The following TMTC2 variants were observed in gnomAD, a reference collection of about 807,000 sequenced individuals.
TMTC2 encodes the protein protein O-mannosyl-transferase TMTC2.
A neutral mutation model predicts 82.4 loss-of-function variants in TMTC2; 43 were observed. The ratio of observed to expected loss-of-function variants is 0.52; its 90% CI spans 0.41 to 0.67. The LOEUF (loss-of-function observed/expected upper bound fraction) is 0.67, where lower values mean the gene tolerates loss of function less well. TMTC2 is among the 30% of genes least tolerant of loss of function. TMTC2 has a pLI of 0.00. For synonymous variants in TMTC2, 408 were observed against 381.9 expected, an observed-to-expected ratio of 1.07 and a Z score of -0.80; for missense variants, 919 against 1,012.4, an observed-to-expected ratio of 0.91 and a Z score of 1.25.
chr12:82,859,560 A>G (rs1249494705), intron 2 of TMTC2, among the ~76,000 whole-genome samples: 2 of 152,180 alleles, frequency 1.3e-5, no homozygotes, highest in Non-Finnish European at 2.9e-5. Flanking sequence ...AATATTTGGG[A>G]CATACTTATA....
chr12:83,102,229 G>C (rs1192229555), intron 11 of TMTC2, among the ~76,000 whole-genome samples: 1 of 152,208 alleles, frequency 6.6e-6, no homozygotes, highest in Non-Finnish European at 1.5e-5. Context: ...GTGAATATCA[G>C]TACTGGCAGC....
intron 1 of TMTC2, among the ~76,000 whole-genome samples, chr12:82,782,083 A>G (rs1387677219): frequency 1.3e-5 from 2 of 152,104 alleles, no homozygotes; most frequent in Non-Finnish European, 2.9e-5. Context: ...CACACCATTA[A>G]CATAAATAAA....
chr12:82,997,751 G>A (rs1028283607), intron 8 of TMTC2, among the ~76,000 whole-genome samples: 57 of 150,668 alleles, frequency 3.8e-4, no homozygotes, highest in African/African-American at 7.8e-4. Context: ...TATATTCCAC[G>A]TAATATAATA....
chr12:82,894,196 G>A (rs1873538702), intron 2 of TMTC2, among the ~76,000 whole-genome samples: 1 of 152,154 alleles, frequency 6.6e-6, no homozygotes, highest in Non-Finnish European at 1.5e-5. Flanking sequence ...TGCCCAGTAG[G>A]CAACTGAATA....
chr12:82,687,785 TGGTTTA>T (rs1163467608), intron 1 of TMTC2, 116 bp downstream of exon 1: 1 of 988,490 alleles, frequency 1.0e-6, no homozygotes, highest in African/African-American at 1.6e-5. Context: ...CAGCACCTGA[TGGTTTA>T]GGCGACACGT....
At chr12:82,812,119 T>C (rs1293909547) in intron 1 of TMTC2, among the ~76,000 whole-genome samples, 1 of 152,080 alleles carries the variant, frequency 6.6e-6, no homozygotes, top group Non-Finnish European at 1.5e-5. Context: ...TCTCTCCTTC[T>C]GAAGATATCT....
intron 11 of TMTC2, among the ~76,000 whole-genome samples, chr12:83,129,309 A>C (rs1316981485): frequency 6.6e-6 from 1 of 152,174 alleles, no homozygotes; most frequent in Non-Finnish European, 1.5e-5. Flanking sequence ...TCCCATGGTA[A>C]CTATGATTAT....
intron 1 of TMTC2, among the ~76,000 whole-genome samples, chr12:82,748,044 C>T (rs1875780523): frequency 6.6e-6 from 1 of 152,212 alleles, no homozygotes; most frequent in Non-Finnish European, 1.5e-5. Context: ...GACGCGGTGG[C>T]TCACGCCTGT....
chr12:82,929,829 A>G (rs376133342), intron 3 of TMTC2, among the ~76,000 whole-genome samples: 3 of 152,200 alleles, frequency 2.0e-5, no homozygotes, highest in Non-Finnish European at 4.4e-5. Flanking sequence ...CACAGAAAAT[A>G]TATTTAATTT....
intron 11 of TMTC2, among the ~76,000 whole-genome samples, chr12:83,100,387 GT>G (rs1479504023): frequency 6.6e-5 from 10 of 151,704 alleles, no homozygotes; most frequent in Admixed American, 2.6e-4. Flanking sequence ...TGTTTTTTTT[GT>G]TTTTTGTTTT....
intron 10 of TMTC2, among the ~76,000 whole-genome samples, chr12:83,055,278 A>G (rs557696717): frequency 2.6e-5 from 4 of 152,134 alleles, no homozygotes; most frequent in African/African-American, 9.6e-5. Flanking sequence ...GCCTTGCTTG[A>G]GAATGTGGGA....
intron 8 of TMTC2, among the ~76,000 whole-genome samples, chr12:83,015,492 C>T (rs1592695365): frequency 6.6e-6 from 1 of 152,148 alleles, no homozygotes; most frequent in Non-Finnish European, 1.5e-5. Flanking sequence ...TGATGTTTAG[C>T]GAGTCCTGTG....
At chr12:82,999,820 AG>A (rs1406403490) in intron 8 of TMTC2, among the ~76,000 whole-genome samples, 13 of 152,152 alleles carry the variant, frequency 8.5e-5, no homozygotes, top group African/African-American at 3.1e-4. Context: ...GGGGACACAG[AG>A]CCAAACCATA....
chr12:83,023,632 C>A (rs1243756132), intron 8 of TMTC2, among the ~76,000 whole-genome samples: 1 of 152,200 alleles, frequency 6.6e-6, no homozygotes, highest in Non-Finnish European at 1.5e-5. Flanking sequence ...TTCAGGGAAG[C>A]TTTGCTCAGG....
At chr12:83,033,994 T>C (rs1034137646) in intron 9 of TMTC2, among the ~76,000 whole-genome samples, 1 of 151,046 alleles carries the variant, frequency 6.6e-6, no homozygotes, top group African/African-American at 2.4e-5. Flanking sequence ...GAGACATAGG[T>C]AGATATTTTC....
chr12:83,125,781 C>T (rs930160298), intron 11 of TMTC2, among the ~76,000 whole-genome samples: 3 of 152,132 alleles, frequency 2.0e-5, no homozygotes, highest in Non-Finnish European at 4.4e-5. Flanking sequence ...ACTATTTTTG[C>T]AACTTTCAAT....
intron 1 of TMTC2, among the ~76,000 whole-genome samples, chr12:82,727,633 A>G (rs1565723961): frequency 6.6e-6 from 1 of 151,920 alleles, no homozygotes; most frequent in Non-Finnish European, 1.5e-5. Flanking sequence ...AGCCAGGAGA[A>G]TCACTTGAAC....
At chr12:82,694,862 C>T (rs969089903) in intron 1 of TMTC2, among the ~76,000 whole-genome samples, 9 of 151,610 alleles carry the variant, frequency 5.9e-5, no homozygotes, top group African/African-American at 1.9e-4. Context: ...AATTGCCTTG[C>T]GGTAACGGAA....
At chr12:82,806,672 G>T (rs1196503065) in intron 1 of TMTC2, among the ~76,000 whole-genome samples, 2 of 152,044 alleles carry the variant, frequency 1.3e-5, no homozygotes, top group East Asian at 3.8e-4. Context: ...AGTAAAGTAA[G>T]TTAGAGAAAA....
Sources: allele counts gnomAD v4.1 joint callset (sites outside exome capture counted in the v4.1 genomes callset), GRCh38; gene constraint gnomAD v4.1.1; transcripts MANE v1.5; gene names NCBI Gene and HGNC (gene_info 2026-07-23, HGNC 2026-07-21).